PPP1R12A: variants seen among roughly 807,000 people sequenced by gnomAD.
PPP1R12A encodes myosin binding subunit.
In PPP1R12A, 19 loss-of-function variants were observed where a neutral mutation model predicts 139.6. The observed-to-expected ratio is 0.14, with a 90% CI of 0.09 to 0.20. The LOEUF (loss-of-function observed/expected upper bound fraction) is 0.20. Among genes scored for constraint, PPP1R12A ranks in the 10% least tolerant of loss-of-function variants. The probability of loss-of-function intolerance (pLI) is 1.00; values close to 1 mark genes in which losing one functional copy is unlikely to be tolerated. For missense variants in PPP1R12A, 925 were observed against 1,211.5 expected, an observed-to-expected ratio of 0.76 and a Z score of 3.51; for synonymous variants, 427 against 420.6, an observed-to-expected ratio of 1.02 and a Z score of -0.19.
At chr12:79,854,668 T>C (rs545901776) in intron 2 of PPP1R12A, among the ~76,000 whole-genome samples, 14 of 152,318 alleles carry the variant, frequency 9.2e-5, no homozygotes, top group African/African-American at 2.9e-4. Context: ...TTTTTATTTT[T>C]TTTTGACTTT....
chr12:79,817,421 T>C lies in PPP1R12A; in HGVS notation c.1212A>G (p.Gln404=). The change falls in exon 9 of 25, where the codon CAA becomes CAG. Residue 404 remains glutamine (Q), a synonymous_variant. Coordinates refer to ENST00000450142, the MANE Select transcript of PPP1R12A (RefSeq NM_002480.3). ...TTTTAATAGGTGATGTAGGTGTTGC[T>C]TGACCTGATGACACAGTAGGTGTTG... ...AVTTPTVSSG[Q]ATPTSPIKKF... is the part of the protein sequence containing the mutation. 1 of 1,612,240 alleles carries C rather than the reference T, an allele frequency of 6.2e-7. No homozygotes were observed. Among genetic ancestry groups the C allele is most frequent in the South Asian group, 1.1e-5 (1 of 90,798 alleles).
intron 2 of PPP1R12A, among the ~76,000 whole-genome samples, chr12:79,852,384 T>C (rs911778898): frequency 6.6e-6 from 1 of 151,860 alleles, no homozygotes; most frequent in African/African-American, 2.4e-5. Flanking sequence ...TTGGTAGAGA[T>C]GAGGTTTCGC....
intron 1 of PPP1R12A, among the ~76,000 whole-genome samples, chr12:79,915,110 G>A (rs539760081): frequency 3.9e-4 from 59 of 152,030 alleles, no homozygotes; most frequent in Non-Finnish European, 6.9e-4. Context: ...GTAAGTATGC[G>A]GCTTTGAAAA....
chr12:79,775,362 C>A lies in PPP1R12A; in HGVS notation c.*567G>T, dbSNP rs560319289. On this transcript the variant is annotated 3_prime_UTR_variant, in exon 25 of 25. Coordinates refer to ENST00000450142, the MANE Select transcript of PPP1R12A (RefSeq NM_002480.3). ...ATACATGACAATAATCACAGAAGAG[C>A]AAGTGTTCTTTTCTGTAATGAAAAA... is the stretch of plus-strand genomic sequence containing the variant. The A allele has an allele frequency of 2.0e-5, 3 of 152,454 alleles. No homozygotes were observed. The highest frequency in any genetic ancestry group is 7.2e-5 in the African/African-American group (3 of 41,518). 9.4% of individuals were successfully genotyped at this position (152,454 alleles called of 1,614,324 possible).
At position 79,807,231 on chromosome 12, in the gene PPP1R12A, A is replaced by G. The variant is rs1479893671; in HGVS notation, c.1650T>C (p.His550=). ...CTTAAGAATAGTATTATTACCTTTT[A>G]TGATACGTTGATCCTTCATTAACTG... ...NSSVNEGSTY[H]KSCSFGRRQD... Residue 550 remains histidine, a synonymous_variant, in exon 12 of 25, where the codon CAT becomes CAC. Transcript: ENST00000450142. 2.7e-6 allele frequency: 4 copies of G among 1,508,870 alleles called. No homozygotes were observed. Among genetic ancestry groups the G allele is most frequent in the Non-Finnish European group, 2.7e-6 (3 of 1,112,938 alleles). The allele number at this position is 1,508,870 out of a possible 1,614,324, so 93.5% of individuals were successfully genotyped here. A position where few individuals can be genotyped will look rare whatever the true frequency, so the allele number is the denominator to read the frequency against.
intron 5 of PPP1R12A, among the ~76,000 whole-genome samples, chr12:79,827,463 T>C (rs1876928752): frequency 6.6e-6 from 1 of 152,122 alleles, no homozygotes; most frequent in Non-Finnish European, 1.5e-5. Context: ...AAATGCAATA[T>C]ACAAGGAACA....
intron 9 of PPP1R12A, among the ~76,000 whole-genome samples, chr12:79,816,151 A>G (rs1305060637): frequency 6.6e-6 from 1 of 152,200 alleles, no homozygotes; most frequent in Non-Finnish European, 1.5e-5. Flanking sequence ...CAACAAAATA[A>G]GAAGTTCAAA....
chr12:79,838,744 T>C (rs1185203870), intron 3 of PPP1R12A, among the ~76,000 whole-genome samples: 1 of 152,086 alleles, frequency 6.6e-6, no homozygotes, highest in Admixed American at 6.5e-5. Flanking sequence ...AGAACTGAGG[T>C]TTGGGAAGCT....
At chr12:79,901,094 C>A (rs752345758) in intron 1 of PPP1R12A, among the ~76,000 whole-genome samples, 3 of 152,058 alleles carry the variant, frequency 2.0e-5, no homozygotes, top group Non-Finnish European at 4.4e-5. Flanking sequence ...AGAACCGTTA[C>A]AGAAATATGA....
intron 1 of PPP1R12A, among the ~76,000 whole-genome samples, chr12:79,909,723 G>A (rs1177112346): frequency 1.6e-5 from 1 of 63,086 alleles, no homozygotes; most frequent in African/African-American, 3.7e-5. Context: ...ACAGAACTCC[G>A]TCTTAAAAAA....
rs117662075 is a variant in PPP1R12A, at chr12:79,878,432, G to T, written c.238-5494C>A. On this transcript the variant is annotated intron_variant, in intron 1 of 24. Coordinates refer to ENST00000450142, the MANE Select transcript of PPP1R12A (RefSeq NM_002480.3). ...TGGTATAGCAAGTTTTTTTTAAAAA[G>T]GATGCAAATATGGAAATGGAAAAGG... 9.2e-5 allele frequency: 14 copies of T among 151,990 alleles called. No individual in the cohort carries two copies. The East Asian group carries it at 2.1e-3, about 23-fold the overall frequency. The allele number at this position is 151,990 out of a possible 1,614,324, so 9.4% of individuals were successfully genotyped here.
At chr12:79,875,720 A>G (rs1472136700) in intron 1 of PPP1R12A, among the ~76,000 whole-genome samples, 1 of 152,186 alleles carries the variant, frequency 6.6e-6, no homozygotes, top group Non-Finnish European at 1.5e-5. Flanking sequence ...AAGAATCCGG[A>G]AGGATATTTG....
intron 3 of PPP1R12A, among the ~76,000 whole-genome samples, chr12:79,836,466 ATATT>A (rs1169800856): frequency 6.6e-6 from 1 of 152,068 alleles, no homozygotes; most frequent in Non-Finnish European, 1.5e-5. Flanking sequence ...TACTTCTTTT[ATATT>A]TATCTAATTT....
intron 19 of PPP1R12A, among the ~76,000 whole-genome samples, chr12:79,791,528 A>G (rs777428297): frequency 3.2e-4 from 49 of 152,072 alleles, no homozygotes; most frequent in Non-Finnish European, 5.9e-4. Flanking sequence ...GTGTCTCCCT[A>G]TGTTGCCCAG....
chr12:79,894,403 G>A (rs1338226929), intron 1 of PPP1R12A, among the ~76,000 whole-genome samples: 1 of 152,034 alleles, frequency 6.6e-6, no homozygotes, highest in Non-Finnish European at 1.5e-5. Context: ...CATTTCACTA[G>A]AAATCTAAAA....
At chr12:79,879,013 A>G (rs1883377373) in intron 1 of PPP1R12A, among the ~76,000 whole-genome samples, 1 of 152,210 alleles carries the variant, frequency 6.6e-6, no homozygotes, top group Non-Finnish European at 1.5e-5. Flanking sequence ...CAAAATGTCT[A>G]CAATGAATAG....
intron 8 of PPP1R12A, 112 bp from the exon 9 acceptor site, chr12:79,817,630 C>G: frequency 9.7e-7 from 1 of 1,028,204 alleles, no homozygotes. Context: ...AACTAAAAGT[C>G]TTTCCCCACT....
chr12:79,779,603 G>C (rs889613522), intron 23 of PPP1R12A: 2 of 329,348 alleles, frequency 6.1e-6, no homozygotes, highest in South Asian at 4.9e-5. Context: ...TCAATACATA[G>C]ATCTTTCTTC....
intron 9 of PPP1R12A, among the ~76,000 whole-genome samples, chr12:79,813,675 C>T (rs527469786): frequency 6.6e-6 from 1 of 152,268 alleles, no homozygotes; most frequent in South Asian, 2.1e-4. Context: ...CAATTTTAAG[C>T]ACAAAATCAA....
Sources: allele counts gnomAD v4.1 joint callset (sites outside exome capture counted in the v4.1 genomes callset), GRCh38; gene constraint gnomAD v4.1.1; transcripts MANE v1.5; gene names NCBI Gene and HGNC (gene_info 2026-07-23, HGNC 2026-07-21).